Variants in RIF1 observed in about 807,000 individuals in gnomAD.
RIF1 encodes the protein replication timing regulatory factor 1.
In RIF1, 45 loss-of-function variants were observed where a neutral mutation model predicts 247.1. That is an observed-to-expected ratio of 0.18 (90% confidence interval 0.14 to 0.23). The LOEUF is 0.23. RIF1 is among the 10% of genes least tolerant of loss of function. The pLI, the probability that RIF1 is intolerant of heterozygous loss-of-function variation, is 1.00. For synonymous variants in RIF1, 1,087 were observed against 978.8 expected, an observed-to-expected ratio of 1.11 and a Z score of -2.06; for missense variants, 2,967 against 2,862.5, an observed-to-expected ratio of 1.04 and a Z score of -0.83.
At chr2:151,412,164 G>C (rs1341058779) in intron 3 of RIF1, among the ~76,000 whole-genome samples, 2 of 152,124 alleles carry the variant, frequency 1.3e-5, no homozygotes, top group African/African-American at 2.4e-5. Context: ...CTGTGTTCCT[G>C]TCTTCACTTG....
intron 13 of RIF1, among the ~76,000 whole-genome samples, chr2:151,437,616 AGGAGGTGGAAGTTGC>A (rs2152345382): frequency 6.6e-6 from 1 of 152,314 alleles, no homozygotes; most frequent in African/African-American, 2.4e-5. Context: ...GCTTGAGCCC[AGGAGGTGGAAGTTGC>A]AGTGAGCCAA....
chr2:151,502,067 A>G (rs1163820003), intron 11 of RIF1, among the ~76,000 whole-genome samples: 1 of 152,222 alleles, frequency 6.6e-6, no homozygotes, highest in East Asian at 1.9e-4. Flanking sequence ...GCTGCAAACC[A>G]GTGACCTCTA....
intron 12 of RIF1, chr2:151,503,512 G>T (rs1412145334): frequency 2.0e-6 from 2 of 976,586 alleles, no homozygotes; most frequent in Non-Finnish European, 3.2e-6. Context: ...GCCACATGTG[G>T]GCTATTTGGG....
chr2:151,512,877 T>C (rs2075542359), downstream of RIF1: 2 of 1,377,022 alleles, frequency 1.5e-6, no homozygotes, highest in African/African-American at 1.4e-5. Flanking sequence ...ATGTTTGCAA[T>C]GTGCACAACA....
At chr2:151,501,256 CAGAA>C (rs1024964496) in intron 11 of RIF1, 3 of 553,636 alleles carry the variant, frequency 5.4e-6, no homozygotes, top group Non-Finnish European at 9.6e-6. Flanking sequence ...ATCTGGAAAA[CAGAA>C]GGATTCAGTT....
At position 151,475,107 on chromosome 2, in the gene RIF1, C is replaced by A; in HGVS notation, c.*36C>A. 1 of 1,381,362 alleles carries A rather than the reference C, an allele frequency of 7.2e-7. No individual in the cohort carries two copies. Among genetic ancestry groups the A allele is most frequent in the Non-Finnish European group, 1.0e-6 (1 of 972,644 alleles). 85.6% of individuals were successfully genotyped at this position (1,381,362 alleles called of 1,614,324 possible). A position where few individuals can be genotyped will look rare whatever the true frequency, so the allele number is the denominator to read the frequency against. ...GAAAATTGAAGGTTTTTTTAAACAT[C>A]ACTGGATTTCTTGATTGAGGAAACA... On this transcript the variant is annotated 3_prime_UTR_variant, in exon 36 of 36. Coordinates refer to ENST00000444746, the MANE Select transcript of RIF1 (RefSeq NM_018151.5).
intron 7 of RIF1, among the ~76,000 whole-genome samples, chr2:151,421,171 A>T (rs1336200170): frequency 6.6e-6 from 1 of 152,226 alleles, no homozygotes; most frequent in African/African-American, 2.4e-5. Context: ...AGCAGTGAAC[A>T]AAAGAGGCTT....
the RIF1 span, among the ~76,000 whole-genome samples, chr2:151,524,966 G>A: frequency 3.9e-5 from 6 of 151,998 alleles, no homozygotes; most frequent in South Asian, 4.2e-4. Context: ...ACGCCCAGCC[G>A]AGATATGCTA....
intron 16 of RIF1, among the ~76,000 whole-genome samples, chr2:151,442,767 A>ATTTTT (rs59128582): frequency 6.7e-5 from 7 of 104,056 alleles, no homozygotes; most frequent in East Asian, 6.2e-4. Context: ...AAAGAGCTTG[A>ATTTTT]TTTTTTTTTT....
At chr2:151,529,266 C>T in the RIF1 span, 4 of 1,613,640 alleles carry the variant, frequency 2.5e-6, no homozygotes, top group Admixed American at 6.7e-5. Flanking sequence ...GCATCTGGCT[C>T]AATGGTGCAG....
At chr2:151,502,672 C>T in intron 11 of RIF1, 1 of 672,406 alleles carries the variant, frequency 1.5e-6, no homozygotes, top group Admixed American at 2.6e-5. Flanking sequence ...GGGTTGAAAA[C>T]TGAGGTAATA....
intron 12 of RIF1, among the ~76,000 whole-genome samples, chr2:151,504,624 C>G (rs552504401): frequency 2.0e-5 from 3 of 152,144 alleles, no homozygotes; most frequent in Non-Finnish European, 4.4e-5. Flanking sequence ...CTCCATTGAC[C>G]AGGGGAATCC....
intron 9 of RIF1, chr2:151,491,626 G>T: frequency 7.4e-7 from 1 of 1,358,416 alleles, no homozygotes; most frequent in Non-Finnish European, 1.0e-6. Flanking sequence ...GAAAGTCATT[G>T]ACTCTAGCAT....
intron 34 of RIF1, among the ~76,000 whole-genome samples, chr2:151,471,342 T>G (rs1027501148): frequency 6.6e-6 from 1 of 152,244 alleles, no homozygotes; most frequent in Non-Finnish European, 1.5e-5. Context: ...TGATGGTAGT[T>G]TCTTTTGCTG....
At chr2:151,534,313 A>G in the RIF1 span, 3 of 1,612,834 alleles carry the variant, frequency 1.9e-6, no homozygotes, top group Admixed American at 3.3e-5. Flanking sequence ...TCAGCTCTGT[A>G]TTTTTTCTGC....
chr2:151,530,384 G>A, the RIF1 span, among the ~76,000 whole-genome samples: 5 of 152,030 alleles, frequency 3.3e-5, no homozygotes, highest in Admixed American at 6.6e-5. Flanking sequence ...TTTCAGGGTC[G>A]AGGGCCTCGA....
chr2:151,497,536 TA>T, intron 10 of RIF1: 4 of 1,503,892 alleles, frequency 2.7e-6, no homozygotes, highest in Non-Finnish European at 3.5e-6. Context: ...AAGTTGTCTT[TA>T]AAAAGTAGGA....
intron 28 of RIF1, 33 bp from the exon 29 acceptor site, chr2:151,462,378 AT>A: frequency 6.9e-7 from 1 of 1,458,380 alleles, no homozygotes; most frequent in South Asian, 1.4e-5. Flanking sequence ...TCAAATAATT[AT>A]AAAAATAATA....
At chr2:151,490,662 T>C (rs1265613632) in intron 9 of RIF1, 43 of 1,003,146 alleles carry the variant, frequency 4.3e-5, no homozygotes, top group East Asian at 2.4e-4. Flanking sequence ...CTCACAGTTA[T>C]TCTGATGTAG....
Sources: gnomAD v4.1 joint callset for allele counts (sites outside exome capture counted in the v4.1 genomes callset) on GRCh38, gnomAD v4.1.1 for gene constraint, MANE v1.5 for transcripts, NCBI Gene and HGNC (gene_info 2026-07-23, HGNC 2026-07-21) for gene names.